SLC24A2: variants seen among roughly 807,000 people sequenced by gnomAD.
SLC24A2 encodes solute carrier family 24 member 2, also known as sodium/potassium/calcium exchanger 2.
In SLC24A2, 36 loss-of-function variants were observed where a neutral mutation model predicts 62.0. The observed-to-expected ratio is 0.58, with a 90% CI of 0.44 to 0.77. SLC24A2 has a LOEUF of 0.77. SLC24A2 is among the 30% of genes least tolerant of loss of function. The pLI is 0.00. For missense variants in SLC24A2, 846 were observed against 817.9 expected (o/e 1.03, Z -0.42); for synonymous variants, 358 against 294.0 (o/e 1.22, Z -2.23).
the SLC24A2 span, among the ~76,000 whole-genome samples, chr9:20,125,690 T>G: frequency 6.6e-6 from 1 of 152,086 alleles, no homozygotes; most frequent in Non-Finnish European, 1.5e-5. Flanking sequence ...CAAAGTTTAT[T>G]TGGGGCTCCA....
At chr9:20,123,812 A>G in the SLC24A2 span, among the ~76,000 whole-genome samples, 1 of 152,186 alleles carries the variant, frequency 6.6e-6, no homozygotes, top group South Asian at 2.1e-4. Context: ...GTTTTAGATA[A>G]TTCCTGGATT....
At chr9:19,674,376 G>A (rs2383111) in intron 2 of SLC24A2, among the ~76,000 whole-genome samples, 18,361 of 152,090 alleles carry the variant, frequency 0.12, 1,761 homozygotes, top group African/African-American at 0.27. Context: ...AATTTCCCAG[G>A]TGTTCTTTGA....
the SLC24A2 span, among the ~76,000 whole-genome samples, chr9:19,915,639 G>A: frequency 6.6e-6 from 1 of 152,020 alleles, no homozygotes; most frequent in Non-Finnish European, 1.5e-5. Flanking sequence ...GTTCTAGTAG[G>A]TATGAAGTAG....
chr9:20,061,462 T>G, the SLC24A2 span, among the ~76,000 whole-genome samples: 1 of 152,138 alleles, frequency 6.6e-6, no homozygotes, highest in African/African-American at 2.4e-5. Flanking sequence ...AATTTTTGTA[T>G]TTTTAGTAGA....
chr9:19,590,886 C>G (rs1836530249), intron 5 of SLC24A2, among the ~76,000 whole-genome samples: 1 of 152,198 alleles, frequency 6.6e-6, no homozygotes, highest in African/African-American at 2.4e-5. Flanking sequence ...TCTCTTTCTA[C>G]TACAAGAAAG....
chr9:19,875,456 C>T, the SLC24A2 span, among the ~76,000 whole-genome samples: 77 of 152,168 alleles, frequency 5.1e-4, 1 homozygote, highest in Non-Finnish European at 6.5e-4. Context: ...AGCAATGAGT[C>T]ATTATGACAT....
intron 2 of SLC24A2, among the ~76,000 whole-genome samples, chr9:19,747,223 C>T (rs548480818): frequency 6.6e-6 from 1 of 152,176 alleles, no homozygotes; most frequent in South Asian, 2.1e-4. Context: ...CCTCTTCATT[C>T]CACTTCTCTC....
the SLC24A2 span, among the ~76,000 whole-genome samples, chr9:20,274,785 C>T: frequency 6.6e-6 from 1 of 152,240 alleles, no homozygotes; most frequent in South Asian, 2.1e-4. Context: ...CCACCGAGAT[C>T]TCTTGGGGAT....
chr9:19,562,850 GT>G (rs1169921533), intron 7 of SLC24A2, among the ~76,000 whole-genome samples: 1 of 152,162 alleles, frequency 6.6e-6, no homozygotes, highest in African/African-American at 2.4e-5. Flanking sequence ...CACACTTGTA[GT>G]CCCAGCACTT....
intron 2 of SLC24A2, among the ~76,000 whole-genome samples, chr9:19,735,148 T>G (rs1821467388): frequency 6.6e-6 from 1 of 150,746 alleles, no homozygotes. Context: ...TACAAAGAAC[T>G]CAAACAAATT....
chr9:19,548,226 T>A (rs1834677267), intron 8 of SLC24A2, among the ~76,000 whole-genome samples: 1 of 147,628 alleles, frequency 6.8e-6, no homozygotes, highest in Admixed American at 6.6e-5. Flanking sequence ...ATGCTGGAAG[T>A]TATCAAAATA....
the SLC24A2 span, among the ~76,000 whole-genome samples, chr9:20,249,963 T>G: frequency 1.1e-4 from 17 of 152,052 alleles, no homozygotes; most frequent in African/African-American, 2.4e-5. Context: ...CCAAAGTAAC[T>G]CAGAATCTAA....
the SLC24A2 span, among the ~76,000 whole-genome samples, chr9:20,156,343 A>T: frequency 6.6e-6 from 1 of 151,682 alleles, no homozygotes; most frequent in South Asian, 2.1e-4. Context: ...AGGCCTTGGG[A>T]AGCATTTGAT....
the SLC24A2 span, among the ~76,000 whole-genome samples, chr9:19,909,960 C>G: frequency 6.6e-6 from 1 of 152,092 alleles, no homozygotes; most frequent in Admixed American, 6.6e-5. Flanking sequence ...TGTCAATGAT[C>G]CTTCCACTGG....
intron 7 of SLC24A2, 94 bp downstream of exon 7, chr9:19,573,257 C>T: frequency 1.2e-6 from 1 of 853,604 alleles, no homozygotes; most frequent in Non-Finnish European, 2.0e-6. Flanking sequence ...CAGCTGAGAG[C>T]TGGGGCTTCC....
the SLC24A2 span, among the ~76,000 whole-genome samples, chr9:19,846,714 A>G: frequency 1.3e-5 from 2 of 152,122 alleles, no homozygotes; most frequent in African/African-American, 4.8e-5. Flanking sequence ...TTTTATTTAT[A>G]TTAAGTGTTG....
the SLC24A2 span, among the ~76,000 whole-genome samples, chr9:20,016,219 G>C: frequency 6.6e-6 from 1 of 152,066 alleles, no homozygotes; most frequent in Non-Finnish European, 1.5e-5. Context: ...TTTTTAGCTT[G>C]ATTGTACTGT....
the SLC24A2 span, among the ~76,000 whole-genome samples, chr9:19,809,775 C>A: frequency 6.6e-6 from 1 of 152,078 alleles, no homozygotes. Flanking sequence ...CTATGTAAAT[C>A]GGACACCACC....
the SLC24A2 span, among the ~76,000 whole-genome samples, chr9:20,171,572 A>G: frequency 6.6e-6 from 1 of 152,142 alleles, no homozygotes; most frequent in East Asian, 1.9e-4. Context: ...AGCTATTCTT[A>G]TATCAGACAA....
Sources: allele counts gnomAD v4.1 joint callset (sites outside exome capture counted in the v4.1 genomes callset), GRCh38; gene constraint gnomAD v4.1.1; transcripts MANE v1.5; gene names NCBI Gene and HGNC (gene_info 2026-07-23, HGNC 2026-07-21).